CREB5: variants seen among roughly 807,000 people sequenced by gnomAD.
CREB5 encodes the protein cyclic AMP-responsive element-binding protein 5.
CREB5 carries 19 observed loss-of-function variants against 57.1 expected under a neutral mutation model. The observed-to-expected ratio is 0.33, with a 90% CI of 0.23 to 0.49. The LOEUF (loss-of-function observed/expected upper bound fraction) is 0.49. CREB5 is among the 20% of genes least tolerant of loss of function. CREB5 has a pLI of 0.99. For synonymous variants in CREB5, 238 were observed against 238.3 expected (o/e 1.00, Z 0.01); for missense variants, 579 against 671.6 (o/e 0.86, Z 1.52).
At chr7:28,781,264 A>G (rs1806955966) in intron 7 of CREB5, among the ~76,000 whole-genome samples, 1 of 152,228 alleles carries the variant, frequency 6.6e-6, no homozygotes, top group Non-Finnish European at 1.5e-5. Context: ...TATGGAAAAC[A>G]TCAAGAGAAA....
intron 5 of CREB5, among the ~76,000 whole-genome samples, chr7:28,576,021 A>G (rs1271991499): frequency 6.6e-6 from 1 of 152,230 alleles, no homozygotes; most frequent in Admixed American, 6.5e-5. Context: ...GAGCCAGAAC[A>G]TGGGAGCAAA....
chr7:28,747,902 A>G (rs971061195), intron 7 of CREB5, among the ~76,000 whole-genome samples: 8 of 152,136 alleles, frequency 5.3e-5, no homozygotes, highest in African/African-American at 1.9e-4. Flanking sequence ...TGGATGCAGG[A>G]GAGGGAACAG....
upstream of CREB5, chr7:28,410,331 A>G (rs931114315): frequency 2.2e-6 from 1 of 456,482 alleles, no homozygotes; most frequent in African/African-American, 2.0e-5. Flanking sequence ...CCCAAATGAC[A>G]GCTCCGGCTC....
At chr7:28,552,348 G>A in intron 4 of CREB5, among the ~76,000 whole-genome samples, 1 of 152,150 alleles carries the variant, frequency 6.6e-6, no homozygotes, top group East Asian at 1.9e-4. Flanking sequence ...TTTCTAACTA[G>A]CTTGCTGAGT....
intron 7 of CREB5, among the ~76,000 whole-genome samples, chr7:28,739,442 G>A (rs557186654): frequency 6.6e-6 from 1 of 152,164 alleles, no homozygotes; most frequent in African/African-American, 2.4e-5. Context: ...GGAGATACTG[G>A]GGAAAAACAG....
intron 1 of CREB5, among the ~76,000 whole-genome samples, chr7:28,458,696 C>A (rs887862573): frequency 2.0e-5 from 3 of 152,164 alleles, no homozygotes; most frequent in African/African-American, 4.8e-5. Flanking sequence ...ATTGTGTGAT[C>A]TTGGTCAATG....
At chr7:28,408,922 T>C (rs1787651402), upstream of CREB5, among the ~76,000 whole-genome samples, 1 of 152,044 alleles carries the variant, frequency 6.6e-6, no homozygotes, top group Admixed American at 6.6e-5. Flanking sequence ...TGCAAAGTCT[T>C]TTCCCACATC....
rs573183780 is a variant in CREB5 at position 28,634,218 on chromosome 7, G to A, written c.464+63681G>A. 4.6e-5 allele frequency among the ~76,000 whole-genome samples: 7 copies of A among 152,184 alleles called. No individual in the cohort carries two copies. In the South Asian group the frequency reaches 1.5e-3, roughly 32 times the overall value. ...CCAGCCTGTCTGTAAACAGCAACTG[G>A]CATGTCTTGACTCCAAAAGAAGTTT... On this transcript the variant is annotated intron_variant, in intron 5 of 10. Coordinates refer to ENST00000357727, the MANE Select transcript of CREB5 (RefSeq NM_182898.4).
At chr7:28,738,854 T>C (rs1281580528) in intron 7 of CREB5, among the ~76,000 whole-genome samples, 1 of 152,222 alleles carries the variant, frequency 6.6e-6, no homozygotes. Flanking sequence ...AAAATGTCTC[T>C]AGCCGTCCAC....
chr7:28,653,704 T>C (rs549228208), intron 5 of CREB5, among the ~76,000 whole-genome samples: 11 of 152,272 alleles, frequency 7.2e-5, no homozygotes, highest in Non-Finnish European at 1.3e-4. Flanking sequence ...GAAGCAGTGG[T>C]ACGCTGGTAA....
intron 5 of CREB5, among the ~76,000 whole-genome samples, chr7:28,624,535 TA>T (rs1049685540): frequency 2.0e-5 from 3 of 152,180 alleles, no homozygotes; most frequent in Admixed American, 1.3e-4. Flanking sequence ...ACAGGCTGTG[TA>T]CAAAAAGAGG....
intron 7 of CREB5, among the ~76,000 whole-genome samples, chr7:28,746,865 C>T (rs1268589986): frequency 1.3e-5 from 2 of 152,076 alleles, no homozygotes; most frequent in Non-Finnish European, 2.9e-5. Context: ...TAATGAAATC[C>T]CCTGAGAAAA....
chr7:28,389,572 C>A (rs1156689148), intron 1 of CREB5, among the ~76,000 whole-genome samples: 6 of 151,912 alleles, frequency 3.9e-5, no homozygotes, highest in Non-Finnish European at 8.8e-5. Context: ...TTCAAGAAAA[C>A]CAGTTGTGGG....
intron 7 of CREB5, among the ~76,000 whole-genome samples, chr7:28,747,656 G>GT (rs950914478): frequency 1.3e-5 from 2 of 152,000 alleles, no homozygotes; most frequent in Non-Finnish European, 2.9e-5. Flanking sequence ...GTCCCAGCGT[G>GT]TTTTTTTTCC....
chr7:28,693,719 C>T (rs977380974), intron 5 of CREB5, among the ~76,000 whole-genome samples: 1 of 152,106 alleles, frequency 6.6e-6, no homozygotes, highest in African/African-American at 2.4e-5. Flanking sequence ...GCTTTCTGAG[C>T]CTCGGTTACT....
rs148504701 is a variant in CREB5, at chr7:28,696,140, G to T, written c.465-22613G>T. On this transcript the variant is annotated intron_variant, in intron 5 of 10. Transcript: ENST00000357727. Reference sequence around the variant, plus strand: ...TTCCCACAGTCATTACCCAGGTGCCGTACCATTCGGCTGCCTGGGAGCCTC... The same window carrying T: ...TTCCCACAGTCATTACCCAGGTGCCTTACCATTCGGCTGCCTGGGAGCCTC... Among the ~76,000 whole-genome samples, 37 of 152,304 alleles carry T rather than the reference G, an allele frequency of 2.4e-4. No individual in the cohort carries two copies. The East Asian group carries it at 5.2e-3, about 21-fold the overall frequency.
At chr7:28,405,533 C>T (rs1480312441) in intron 1 of CREB5, among the ~76,000 whole-genome samples, 3 of 152,184 alleles carry the variant, frequency 2.0e-5, no homozygotes, top group Non-Finnish European at 4.4e-5. Context: ...CCATCTCAGC[C>T]TCCTGAGTAG....
chr7:28,611,647 G>A (rs908492728), intron 5 of CREB5, among the ~76,000 whole-genome samples: 1 of 150,576 alleles, frequency 6.6e-6, no homozygotes, highest in African/African-American at 2.4e-5. Context: ...CTGCACTCTA[G>A]CCTGTGCGAC....
chr7:28,379,729 G>T (rs971315450), intron 1 of CREB5, among the ~76,000 whole-genome samples: 1 of 152,180 alleles, frequency 6.6e-6, no homozygotes, highest in African/African-American at 2.4e-5. Flanking sequence ...GGATTCTAAT[G>T]TGCAGCCAAC....
Sources: allele counts gnomAD v4.1 joint callset (sites outside exome capture counted in the v4.1 genomes callset), GRCh38; gene constraint gnomAD v4.1.1; transcripts MANE v1.5; gene names NCBI Gene and HGNC (gene_info 2026-07-23, HGNC 2026-07-21).